Variants in DTX1 observed in about 807,000 individuals in gnomAD.
DTX1 encodes deltex E3 ubiquitin ligase 1.
Under a neutral mutation model 57.8 loss-of-function variants are expected in DTX1, and 26 were observed. That is an observed-to-expected ratio of 0.45 (90% confidence interval 0.33 to 0.62). The LOEUF is 0.62. Ranked by LOEUF, DTX1 falls within the 20% of genes least tolerant of loss-of-function variation. DTX1 has a pLI of 0.02. For synonymous variants in DTX1, 398 were observed against 394.1 expected (o/e 1.01, Z -0.12); for missense variants, 704 against 895.3 (o/e 0.79, Z 2.73).
At chr12:113,062,092 C>G (rs964609985) in intron 2 of DTX1, among the ~76,000 whole-genome samples, 3 of 150,620 alleles carry the variant, frequency 2.0e-5, no homozygotes, top group Non-Finnish European at 3.0e-5. Context: ...GCTGTAAAAC[C>G]CAAAACTCAT....
At chr12:113,058,579 G>C (rs2044646821) in intron 2 of DTX1, 128 bp downstream of exon 2, 1 of 1,447,522 alleles carries the variant, frequency 6.9e-7, no homozygotes, top group Non-Finnish European at 9.2e-7. Flanking sequence ...CTCACCTCCA[G>C]AAAAACAGGG....
chr12:113,078,837 T>C (rs952041942), intron 3 of DTX1, among the ~76,000 whole-genome samples: 1 of 151,946 alleles, frequency 6.6e-6, no homozygotes, highest in Non-Finnish European at 1.5e-5. Context: ...CCACAATTAC[T>C]CTGGGTTAAT....
chr12:113,090,901 C>T (rs183944794), intron 3 of DTX1, among the ~76,000 whole-genome samples: 2 of 152,326 alleles, frequency 1.3e-5, no homozygotes, highest in African/African-American at 2.4e-5. Context: ...CGCATGTGTC[C>T]TCGTGTGCAG....
In DTX1 at chr12:113,058,175, C is replaced by T. The variant is rs898210797; in HGVS notation, c.-18C>T. 3.2e-6 allele frequency: 5 copies of T among 1,587,234 alleles called. No homozygotes were observed. In the African/African-American group the frequency reaches 5.4e-5, roughly 17 times the overall value. ...GCCTGCAATAGTGGGGGACCTGGCC[C>T]CTGAGGCAGTGGCGGCCATGTCACG... is the stretch of plus-strand genomic sequence containing the variant. On this transcript the variant is annotated 5_prime_UTR_variant, in exon 2 of 10. Transcript: ENST00000548759.
chr12:113,088,966 G>A (rs1158495180), intron 3 of DTX1, among the ~76,000 whole-genome samples: 8 of 152,156 alleles, frequency 5.3e-5, no homozygotes, highest in African/African-American at 1.4e-4. Context: ...AGTAAGCAAT[G>A]GTTAAGCCAC....
chr12:113,093,436 A>ATC lies in DTX1; in HGVS notation c.1004-103_1004-102insTC. 1.8e-5 allele frequency: 16 copies of ATC among 876,280 alleles called. No homozygotes were observed. Among genetic ancestry groups the ATC allele is most frequent in the Non-Finnish European group, 2.2e-5 (13 of 586,222 alleles). 54.3% of individuals were successfully genotyped at this position (876,280 alleles called of 1,614,324 possible). On this transcript the variant is annotated intron_variant, in intron 4 of 9. Coordinates refer to ENST00000548759, the MANE Select transcript of DTX1 (RefSeq NM_004416.3). This position sits in a 1 kb window ranked among gnomAD's most constrained non-coding sequence, Gnocchi z 4.2. ...CTGAGTGGGTGGGGCCCAAGAGCGC[A>ATC]ACCCTCCCACCCACCCGAGGGCCCC...
At chr12:113,074,115 G>A (rs965118609) in intron 2 of DTX1, among the ~76,000 whole-genome samples, 11 of 152,152 alleles carry the variant, frequency 7.2e-5, no homozygotes, top group Non-Finnish European at 1.5e-4. Context: ...TGTAATGCCA[G>A]CTACTTGGGA....
chr12:113,084,304 C>T (rs150479893), intron 3 of DTX1, among the ~76,000 whole-genome samples: 251 of 152,328 alleles, frequency 1.6e-3, no homozygotes, highest in African/African-American at 5.2e-3. Context: ...TTCCACCCCA[C>T]GTGGTGGGTG....
chr12:113,083,734 GTC>G (rs911342698), intron 3 of DTX1, among the ~76,000 whole-genome samples: 8 of 152,054 alleles, frequency 5.3e-5, no homozygotes, highest in African/African-American at 1.7e-4. Flanking sequence ...GTAGCTCTGT[GTC>G]TCTCTCTCTC....
chr12:113,084,680 T>A (rs1447563398), intron 3 of DTX1, among the ~76,000 whole-genome samples: 1 of 152,236 alleles, frequency 6.6e-6, no homozygotes, highest in Admixed American at 6.5e-5. Flanking sequence ...CCACTGTGTC[T>A]GGCCATTTAC....
In DTX1 at chr12:113,093,707, C is replaced by T; in HGVS notation, c.1165+7C>T. The T allele has an allele frequency of 1.2e-6, 2 of 1,612,766 alleles. No individual in the cohort carries two copies. The highest frequency in any genetic ancestry group is 1.7e-6 in the Non-Finnish European group (2 of 1,179,340). On this transcript the variant is annotated splice_region_variant and intron_variant, in intron 5 of 9. Transcript: ENST00000548759. This position sits in a 1 kb window ranked among gnomAD's most constrained non-coding sequence, Gnocchi z 4.2. Reference sequence around the variant, plus strand: ...AAGAAGCACCTTAAAAAGAGTACGCCCTCCACGCCCTGCCTCACACGAGAT... The same window carrying T: ...AAGAAGCACCTTAAAAAGAGTACGCTCTCCACGCCCTGCCTCACACGAGAT...
chr12:113,093,457 GC>G lies in DTX1; in HGVS notation c.1004-78del. The G allele has an allele frequency of 8.7e-7, 1 of 1,148,548 alleles. No individual in the cohort carries two copies. The allele number at this position is 1,148,548 out of a possible 1,614,324, so 71.1% of individuals were successfully genotyped here. A position where few individuals can be genotyped will look rare whatever the true frequency, so the allele number is the denominator to read the frequency against. On this transcript the variant is annotated intron_variant, in intron 4 of 9. Transcript: ENST00000548759. The surrounding 1 kb of genome is among the most constrained non-coding windows in gnomAD (Gnocchi z 4.2). Reference sequence around the variant, plus strand: ...GCGCAACCCTCCCACCCACCCGAGGGCCCCGGGATTCCCAGGGCCAGTGGTC... The same window carrying G: ...GCGCAACCCTCCCACCCACCCGAGGGCCCGGGATTCCCAGGGCCAGTGGTC...
intron 2 of DTX1, among the ~76,000 whole-genome samples, chr12:113,063,511 C>T (rs1450602270): frequency 9.2e-5 from 14 of 152,246 alleles, no homozygotes; most frequent in Admixed American, 5.9e-4. Flanking sequence ...CTGGTATCTC[C>T]CATGTCGCTC....
chr12:113,057,931 G>T lies in DTX1; in HGVS notation c.-262G>T, dbSNP rs2044639663. The T allele has an allele frequency of 1.8e-6, 1 of 558,372 alleles. No individual in the cohort carries two copies. The highest frequency in any genetic ancestry group is 3.6e-5 in the Admixed American group (1 of 28,020). 34.6% of individuals were successfully genotyped at this position (558,372 alleles called of 1,614,324 possible). ...AAGGACTTTAGAGCTGTTTCCTCCGGCATAAGAGAGACACTTGCTTTCCAG... is the reference window on the plus strand; with the variant it reads ...AAGGACTTTAGAGCTGTTTCCTCCGTCATAAGAGAGACACTTGCTTTCCAG... On this transcript the variant is annotated 5_prime_UTR_variant, in exon 2 of 10. Transcript: ENST00000548759.
intron 2 of DTX1, among the ~76,000 whole-genome samples, chr12:113,060,523 G>T (rs2044657700): frequency 1.3e-5 from 2 of 152,324 alleles, no homozygotes; most frequent in Non-Finnish European, 2.9e-5. Context: ...CAGTGCAAAG[G>T]CCCTGGGGTA....
At chr12:113,087,538 T>C (rs937673476) in intron 3 of DTX1, among the ~76,000 whole-genome samples, 2 of 151,222 alleles carry the variant, frequency 1.3e-5, no homozygotes, top group South Asian at 4.2e-4. Flanking sequence ...GAGACAGCCC[T>C]GAAAGTGGGG....
chr12:113,077,110 C>A lies in DTX1; in HGVS notation c.260-314C>A, dbSNP rs10850128. ...CTGTTTGGTGGCTCTCCCGCCCCTACGCCCAATCTACTGACCACGCGCCCC... is the reference window on the plus strand; with the variant it reads ...CTGTTTGGTGGCTCTCCCGCCCCTAAGCCCAATCTACTGACCACGCGCCCC... On this transcript the variant is annotated intron_variant, in intron 2 of 9. Coordinates refer to ENST00000548759, the MANE Select transcript of DTX1 (RefSeq NM_004416.3). The surrounding 1 kb of genome is among the most constrained non-coding windows in gnomAD (Gnocchi z 7.8). Among the ~76,000 whole-genome samples, 14,312 of 152,016 alleles carry A rather than the reference C, an allele frequency of 0.094. 857 individuals carry two copies. Among genetic ancestry groups the A allele is most frequent in the African/African-American group, 0.16 (6,791 of 41,448 alleles).
intron 2 of DTX1, among the ~76,000 whole-genome samples, chr12:113,067,633 T>G (rs777108960): frequency 1.4e-4 from 22 of 152,212 alleles, no homozygotes; most frequent in Non-Finnish European, 2.9e-4. Context: ...GGGGCCAGCA[T>G]AACTCAGCTC....
rs1412488869 is a variant in DTX1 at position 113,077,906 on chromosome 12, C to A, written c.742C>A (p.Arg248Ser). 13 of 1,209,192 alleles carry A rather than the reference C, an allele frequency of 1.1e-5. No individual in the cohort carries two copies. The highest frequency in any genetic ancestry group is 1.3e-5 in the Non-Finnish European group (13 of 976,804). 74.9% of individuals were successfully genotyped at this position (1,209,192 alleles called of 1,614,324 possible). Residue 248 changes from arginine (R) to serine (S), a missense_variant, in exon 3 of 10, where the codon CGC becomes AGC. Arg to Ser is a moderately radical substitution (Grantham distance 110, BLOSUM62 -1). Transcript: ENST00000548759. The surrounding 1 kb of genome is among the most constrained non-coding windows in gnomAD (Gnocchi z 7.8). Reference sequence around the variant, plus strand: ...AGGGCCTCCAGGCGCGCTTGCCGTGCGCCCCAGCGCCACCTTCACAGGCGC... The same window carrying A: ...AGGGCCTCCAGGCGCGCTTGCCGTGAGCCCCAGCGCCACCTTCACAGGCGC... ...PGGPPGALAV[R>S]PSATFTGAAL...
Sources: gnomAD v4.1 joint callset for allele counts (sites outside exome capture counted in the v4.1 genomes callset) on GRCh38, gnomAD v4.1.1 for gene constraint, Gnocchi (gnomAD v3.1) non-coding constraint, MANE v1.5 for transcripts, NCBI Gene and HGNC (gene_info 2026-07-23, HGNC 2026-07-21) for gene names.